The following CASTOR2 variants were observed in gnomAD, a reference collection of about 807,000 sequenced individuals.
CASTOR2 encodes cytosolic arginine sensor for mTORC1 subunit 2, also known as GATS protein like 2.
In CASTOR2, 8 loss-of-function variants were observed where a neutral mutation model predicts 31.2. That is an observed-to-expected ratio of 0.26 (90% CI 0.15 to 0.46). The LOEUF is 0.46. CASTOR2 is among the 20% of genes least tolerant of loss of function. The pLI is 0.99. For missense variants in CASTOR2, 216 were observed against 382.1 expected (o/e 0.57, Z 3.62); for synonymous variants, 162 against 158.7 (o/e 1.02, Z -0.16).
intron 2 of CASTOR2, among the ~76,000 whole-genome samples, chr7:75,011,002 A>G (rs1360002289): frequency 6.6e-6 from 1 of 151,928 alleles, no homozygotes; most frequent in East Asian, 1.9e-4. Flanking sequence ...ATAGGCACCC[A>G]CCACCATGCC....
intron 1 of CASTOR2, among the ~76,000 whole-genome samples, chr7:74,996,076 G>A (rs1804339597): frequency 6.6e-6 from 1 of 152,130 alleles, no homozygotes; most frequent in Non-Finnish European, 1.5e-5. Flanking sequence ...TTGGGGTGCT[G>A]AGCGTGGCAG....
In CASTOR2 at chr7:75,020,043, A is replaced by G; in HGVS notation, c.640A>G (p.Lys214Glu). ...MDVMFYSNGVKDPMATGDDCG... is the reference protein window; with the variant it reads ...MDVMFYSNGVEDPMATGDDCG... ...CCAGCTGCCTCTGGTCCCCAGAGTG[A>G]AGGACCCCATGGCCACTGGGGATGA... Residue 214 changes from lysine to glutamate, a missense_variant, in exon 6 of 9, where the codon AAG becomes GAG. Lys to Glu is a moderately conservative substitution (Grantham distance 56). Transcript: ENST00000616305. The G allele has an allele frequency of 6.4e-7, 1 of 1,551,294 alleles. No homozygotes were observed. The highest frequency in any genetic ancestry group is 2.4e-5 in the East Asian group (1 of 40,912).
intron 2 of CASTOR2, among the ~76,000 whole-genome samples, chr7:75,016,467 C>T: frequency 6.6e-6 from 1 of 152,192 alleles, no homozygotes; most frequent in Non-Finnish European, 1.5e-5. Context: ...CCCCATGATG[C>T]AGCCTCTTCA....
chr7:75,005,747 T>C (rs1320656080), intron 1 of CASTOR2, among the ~76,000 whole-genome samples: 4 of 152,168 alleles, frequency 2.6e-5, no homozygotes, highest in Non-Finnish European at 5.9e-5. Flanking sequence ...CCCAGCACTT[T>C]GGAAAGCCAA....
intron 1 of CASTOR2, among the ~76,000 whole-genome samples, chr7:74,981,790 G>A (rs1285265031): frequency 2.0e-5 from 3 of 147,334 alleles, no homozygotes; most frequent in African/African-American, 7.6e-5. Context: ...ATCAAGGCCC[G>A]GTGCGGTGGC....
At chr7:75,022,658 G>T (rs1204871062) in intron 7 of CASTOR2, among the ~76,000 whole-genome samples, 1 of 152,098 alleles carries the variant, frequency 6.6e-6, no homozygotes, top group Non-Finnish European at 1.5e-5. Context: ...AATTGGCCAG[G>T]CACAGTGGCG....
chr7:75,023,470 G>GTTTTTTTT, intron 7 of CASTOR2, among the ~76,000 whole-genome samples: 1 of 25,022 alleles, frequency 4.0e-5, no homozygotes, highest in African/African-American at 1.2e-4. Context: ...TTTTCTTTTT[G>GTTTTTTTT]TTTTTTGTTT....
chr7:75,014,493 G>A (rs1178434503), intron 2 of CASTOR2, among the ~76,000 whole-genome samples: 1 of 151,744 alleles, frequency 6.6e-6, no homozygotes, highest in South Asian at 2.1e-4. Context: ...TCAGGAGGCT[G>A]AGACATGAGA....
intron 2 of CASTOR2, among the ~76,000 whole-genome samples, chr7:75,009,363 G>A (rs1447172701): frequency 2.8e-4 from 37 of 132,126 alleles, no homozygotes; most frequent in African/African-American, 9.2e-4. Context: ...CGCCTCCCAG[G>A]TTCACACCAT....
rs1430966369 is a variant in CASTOR2, at chr7:75,019,092, A to G, written c.632A>G (p.Asn211Ser). 5 of 1,551,626 alleles carry G rather than the reference A, an allele frequency of 3.2e-6. No homozygotes were observed. Among genetic ancestry groups the G allele is most frequent in the Admixed American group, 3.9e-5 (2 of 50,978 alleles). ...CTCATGGATGTCATGTTCTACTCCA[A>G]TGGGTAGGGCTGCCTTGGGCATGAG... is the stretch of plus-strand genomic sequence containing the variant. ...TLLMDVMFYS[N>S]GVKDPMATGD... Residue 211 changes from asparagine to serine, a missense_variant, in exon 5 of 9, where the codon AAT becomes AGT. Physicochemically the swap from Asn to Ser is conservative, Grantham distance 46. Coordinates refer to ENST00000616305, the MANE Select transcript of CASTOR2 (RefSeq NM_001145064.3).
chr7:75,010,483 G>T (rs1804714357), intron 2 of CASTOR2, among the ~76,000 whole-genome samples: 1 of 152,100 alleles, frequency 6.6e-6, no homozygotes. Flanking sequence ...TCCTGGGGGT[G>T]AGTAAGCTCT....
At chr7:75,021,799 C>G in intron 6 of CASTOR2, 75 bp from the exon 7 acceptor site, 1 of 1,520,208 alleles carries the variant, frequency 6.6e-7, no homozygotes, top group Non-Finnish European at 8.9e-7. Context: ...CTCGCTCTGG[C>G]TGGTGCACCA....
At chr7:74,989,683 T>C (rs2131929180) in intron 1 of CASTOR2, among the ~76,000 whole-genome samples, 1 of 152,118 alleles carries the variant, frequency 6.6e-6, no homozygotes, top group East Asian at 1.9e-4. Context: ...CCCAGAATGT[T>C]GGGTATGGGT....
chr7:75,031,517 G>GAA lies in CASTOR2; in HGVS notation c.*6828_*6829dup, dbSNP rs34294455. ...TACTTTGTAAAGTGTTAATTAAAAT[G>GAA]AAAAAAAAAAACGATGCTGGCTGGT... On this transcript the variant is annotated 3_prime_UTR_variant, in exon 9 of 9. Transcript: ENST00000616305. 5.2e-4 allele frequency among the ~76,000 whole-genome samples: 76 copies of GAA among 146,504 alleles called. 1 individual carries two copies. The Middle Eastern group carries it at 0.014, about 27-fold the overall frequency.
Position 75,029,817 on chromosome 7 carries a change from T to C in CASTOR2, c.*5118T>C, listed in dbSNP as rs1203400871. ...GGCTTCTCCAACAGAGAAAAGACAT[T>C]GGCTTTGGGTACCATGCTGAGGGAG... On this transcript the variant is annotated 3_prime_UTR_variant, in exon 9 of 9. Transcript: ENST00000616305. Among the ~76,000 whole-genome samples the C allele has an allele frequency of 2.0e-5, 3 of 151,866 alleles. No individual in the cohort carries two copies. The highest frequency in any genetic ancestry group is 2.0e-4 in the Admixed American group (3 of 15,248).
At chr7:75,010,422 C>T (rs1349169998) in intron 2 of CASTOR2, among the ~76,000 whole-genome samples, 3 of 152,044 alleles carry the variant, frequency 2.0e-5, no homozygotes, top group Admixed American at 2.0e-4. Flanking sequence ...GGGGTAGAGT[C>T]TCCTGGGGTG....
chr7:74,993,275 G>T (rs1224841096), intron 1 of CASTOR2, among the ~76,000 whole-genome samples: 2 of 152,068 alleles, frequency 1.3e-5, no homozygotes, highest in African/African-American at 4.8e-5. Context: ...AATTGCTCCA[G>T]AAAGAAGTGA....
intron 1 of CASTOR2, among the ~76,000 whole-genome samples, chr7:74,987,988 G>T (rs1427345002): frequency 6.6e-6 from 1 of 150,478 alleles, no homozygotes; most frequent in Admixed American, 6.6e-5. Context: ...GATTATAGGT[G>T]TGAGTCACTG....
intron 2 of CASTOR2, among the ~76,000 whole-genome samples, chr7:75,013,401 T>A (rs1236651423): frequency 6.6e-6 from 1 of 152,094 alleles, no homozygotes; most frequent in Non-Finnish European, 1.5e-5. Flanking sequence ...TCCCAGCCCT[T>A]TGGGAGGCTG....
Sources: gnomAD v4.1 joint callset for allele counts (sites outside exome capture counted in the v4.1 genomes callset) on GRCh38, gnomAD v4.1.1 for gene constraint, MANE v1.5 for transcripts, NCBI Gene and HGNC (gene_info 2026-07-23, HGNC 2026-07-21) for gene names.